PDE1C: variants seen among roughly 807,000 people sequenced by gnomAD.
PDE1C encodes dual specificity calcium/calmodulin-dependent 3',5'-cyclic nucleotide phosphodiesterase 1C.
PDE1C carries 62 observed loss-of-function variants against 93.1 expected under a neutral mutation model. The observed-to-expected ratio is 0.67, with a 90% CI of 0.54 to 0.82. The LOEUF (loss-of-function observed/expected upper bound fraction) is 0.82, where lower values mean the gene tolerates loss of function less well. PDE1C is among the 40% of genes least tolerant of loss of function. The pLI is 0.00. For synonymous variants in PDE1C, 325 were observed against 310.1 expected, an observed-to-expected ratio of 1.05 and a Z score of -0.50; for missense variants, 742 against 884.6, an observed-to-expected ratio of 0.84 and a Z score of 2.04.
At chr7:31,703,687 C>T in the PDE1C span, among the ~76,000 whole-genome samples, 1 of 152,210 alleles carries the variant, frequency 6.6e-6, no homozygotes, top group Non-Finnish European at 1.5e-5. Context: ...GAAGGACTCA[C>T]ATTGGTTCTA....
the PDE1C span, chr7:31,642,843 T>A: frequency 6.2e-7 from 1 of 1,613,998 alleles, no homozygotes; most frequent in Middle Eastern, 1.6e-4. Flanking sequence ...AAGAAGCGAA[T>A]GCCTTGGAAC....
chr7:32,174,083 G>T lies in PDE1C; in HGVS notation c.137-4127C>A, dbSNP rs570688424. ...CTACACATATATCTTAATAAGATAT[G>T]GTCCTATTAATGAAGTCTGGTTCTG... On this transcript the variant is annotated intron_variant, in intron 2 of 18. Coordinates refer to the PDE1C transcript ENST00000396193. Among the ~76,000 whole-genome samples, 7 of 152,146 alleles carry T rather than the reference G, an allele frequency of 4.6e-5. No individual in the cohort carries two copies. In the South Asian group the frequency reaches 1.5e-3, roughly 32 times the overall value.
intron 3 of PDE1C, among the ~76,000 whole-genome samples, chr7:32,088,585 C>T (rs924310740): frequency 6.6e-6 from 1 of 152,218 alleles, no homozygotes; most frequent in Non-Finnish European, 1.5e-5. Flanking sequence ...TCCCATCAGA[C>T]GACGCTTTGC....
rs544520000 is a variant in PDE1C at position 32,309,506 on chromosome 7, C to T, written c.311-99967G>A. Among the ~76,000 whole-genome samples, 344 of 152,274 alleles carry T rather than the reference C, an allele frequency of 2.3e-3. 1 individual carries two copies. The highest frequency in any genetic ancestry group is 7.8e-3 in the African/African-American group (324 of 41,554). On this transcript the variant is annotated intron_variant, in intron 1 of 1. Coordinates refer to the PDE1C transcript ENST00000672256. ...GTTAAGGGCAGCCAGAGAGAAAGGT[C>T]GGGTTACCCTCAAAGGGAAGCCCAT...
Position 31,794,085 on chromosome 7 carries a change from C to CAGATAGATAGATAGATAGAT in PDE1C, c.1891+14945_1891+14946insATCTATCTATCTATCTATCT, listed in dbSNP as rs1326683058. The stretch of plus-strand genomic sequence containing the variant: ...ACAGACAGACAGACAGACAGACAGA[C>CAGATAGATAGATAGATAGAT]AGACAGATAGATAGACAGATAGATG... On this transcript the variant is annotated intron_variant, in intron 16 of 17. Transcript: ENST00000396191. Among the ~76,000 whole-genome samples the CAGATAGATAGATAGATAGAT allele has an allele frequency of 1.5e-4, 20 of 137,394 alleles. 1 individual carries two copies. Among genetic ancestry groups the CAGATAGATAGATAGATAGAT allele is most frequent in the South Asian group, 9.5e-4 (4 of 4,194 alleles). The allele number at this position is 137,394 out of a possible 152,430, so 90.1% of individuals were successfully genotyped here.
chr7:31,634,972 G>A, the PDE1C span, among the ~76,000 whole-genome samples: 15 of 152,158 alleles, frequency 9.9e-5, no homozygotes, highest in Non-Finnish European at 1.0e-4. Flanking sequence ...ACTGGGTGGG[G>A]TGGGATTGGC....
chr7:31,959,347 G>A (rs1808596593), intron 2 of PDE1C, among the ~76,000 whole-genome samples: 1 of 151,940 alleles, frequency 6.6e-6, no homozygotes, highest in Non-Finnish European at 1.5e-5. Flanking sequence ...CAAGTAGCTA[G>A]GATTATAAGT....
chr7:32,035,664 A>G (rs538681195), intron 2 of PDE1C, among the ~76,000 whole-genome samples: 4 of 152,304 alleles, frequency 2.6e-5, no homozygotes, highest in South Asian at 2.1e-4. Flanking sequence ...GGGGGTAAAG[A>G]GCATCCGAAT....
chr7:32,355,206 C>T (rs771720286), intron 1 of PDE1C, among the ~76,000 whole-genome samples: 6 of 152,208 alleles, frequency 3.9e-5, no homozygotes, highest in South Asian at 4.1e-4. Context: ...AGTCAATCTC[C>T]GCGAACATGA....
At chr7:32,218,850 C>G (rs928426433) in intron 1 of PDE1C, among the ~76,000 whole-genome samples, 1 of 152,206 alleles carries the variant, frequency 6.6e-6, no homozygotes, top group African/African-American at 2.4e-5. Flanking sequence ...CCCTCCATTA[C>G]ACCAAGATCA....
chr7:31,920,241 G>A (rs1414328599), intron 2 of PDE1C, among the ~76,000 whole-genome samples: 1 of 152,146 alleles, frequency 6.6e-6, no homozygotes, highest in Non-Finnish European at 1.5e-5. Context: ...CCATAGGACA[G>A]GAGTCAATCC....
At chr7:32,154,836 T>A (rs532517771) in intron 3 of PDE1C, among the ~76,000 whole-genome samples, 1 of 152,318 alleles carries the variant, frequency 6.6e-6, no homozygotes, top group Non-Finnish European at 1.5e-5. Flanking sequence ...GAGGCAAATG[T>A]GTGGCAGACA....
the PDE1C span, chr7:31,656,619 C>T: frequency 5.1e-6 from 2 of 390,012 alleles, no homozygotes; most frequent in Non-Finnish European, 7.0e-6. Flanking sequence ...TCTCAGGAGA[C>T]AATGAAGAGA....
intron 17 of PDE1C, among the ~76,000 whole-genome samples, chr7:31,756,201 G>A (rs1396616186): frequency 6.6e-6 from 1 of 152,058 alleles, no homozygotes; most frequent in African/African-American, 2.4e-5. Flanking sequence ...AGACAAAAGA[G>A]TAACTTTATA....
chr7:31,994,124 G>T (rs1784448801), intron 2 of PDE1C, among the ~76,000 whole-genome samples: 1 of 152,078 alleles, frequency 6.6e-6, no homozygotes, highest in Admixed American at 6.6e-5. Context: ...CCCAAGGAGA[G>T]CTGCATACAG....
chr7:32,240,613 AG>A (rs1439893862), intron 1 of PDE1C, among the ~76,000 whole-genome samples: 1 of 152,122 alleles, frequency 6.6e-6, no homozygotes, highest in Non-Finnish European at 1.5e-5. Flanking sequence ...AGAGACAGTA[AG>A]GGGCAAAAAT....
chr7:32,101,575 C>G (rs1051735302), intron 3 of PDE1C, among the ~76,000 whole-genome samples: 2 of 152,058 alleles, frequency 1.3e-5, no homozygotes, highest in Non-Finnish European at 2.9e-5. Context: ...TATACAACCT[C>G]TCCTGCTCCC....
At chr7:32,326,475 G>A (rs542862427) in intron 1 of PDE1C, among the ~76,000 whole-genome samples, 37 of 152,322 alleles carry the variant, frequency 2.4e-4, no homozygotes, top group Admixed American at 1.6e-3. Context: ...TGTACAGGGC[G>A]AGTCAGTGAG....
At chr7:31,722,696 T>A in the PDE1C span, among the ~76,000 whole-genome samples, 1 of 151,982 alleles carries the variant, frequency 6.6e-6, no homozygotes, top group Non-Finnish European at 1.5e-5. Flanking sequence ...TTTCAGGTGG[T>A]GGGAAGGGCA....
Sources: gnomAD v4.1 joint callset for allele counts (sites outside exome capture counted in the v4.1 genomes callset) on GRCh38, gnomAD v4.1.1 for gene constraint, MANE v1.5 for transcripts, NCBI Gene and HGNC (gene_info 2026-07-23, HGNC 2026-07-21) for gene names.